Variants in LLGL2 observed in about 807,000 individuals in gnomAD.
LLGL2 encodes LLGL2, scribble cell polarity complex component.
LLGL2 carries 81 observed loss-of-function variants against 123.2 expected under a neutral mutation model. The observed-to-expected ratio is 0.66, with a 90% CI of 0.55 to 0.79. The LOEUF (loss-of-function observed/expected upper bound fraction) is 0.79, where lower values mean the gene tolerates loss of function less well. LLGL2 is among the 30% of genes least tolerant of loss of function. LLGL2 has a pLI of 0.00. For missense variants in LLGL2, 1,273 were observed against 1,414.6 expected, an observed-to-expected ratio of 0.90 and a Z score of 1.61; for synonymous variants, 577 against 594.1, an observed-to-expected ratio of 0.97 and a Z score of 0.42.
At chr17:75,557,202 A>C (rs1258113247) in intron 3 of LLGL2, among the ~76,000 whole-genome samples, 1 of 152,044 alleles carries the variant, frequency 6.6e-6, no homozygotes, top group Admixed American at 6.6e-5. Flanking sequence ...TTTTTAACCT[A>C]TCTCGATAAG....
In LLGL2 at chr17:75,566,344, G is replaced by A. The variant is rs113365742; in HGVS notation, c.1036+1837G>A. Reference sequence around the variant, plus strand: ...CTGGCTGCCATGTGGGGGACACGGAGTGGAGCAAAGACGGGAGCCCAGTGA... The same window carrying A: ...CTGGCTGCCATGTGGGGGACACGGAATGGAGCAAAGACGGGAGCCCAGTGA... On this transcript the variant is annotated intron_variant, in intron 10 of 25. Transcript: ENST00000392550. Among the ~76,000 whole-genome samples, 409 of 152,346 alleles carry A rather than the reference G, an allele frequency of 2.7e-3. 3 individuals are homozygous for A. The highest frequency in any genetic ancestry group is 0.014 in the Middle Eastern group (4 of 294).
intron 1 of LLGL2, among the ~76,000 whole-genome samples, chr17:75,542,105 C>CCACG (rs1339233574): frequency 6.6e-6 from 1 of 152,042 alleles, no homozygotes; most frequent in Admixed American, 6.6e-5. Flanking sequence ...CCCAACTCTG[C>CCACG]CACGCACGTT....
In LLGL2 at chr17:75,571,944, G is replaced by C. The variant is rs758407666; in HGVS notation, c.2340G>C (p.Leu780=). The C allele has an allele frequency of 1.9e-5, 31 of 1,612,558 alleles. No homozygotes were observed. In the African/African-American group the frequency reaches 4.0e-4, roughly 21 times the overall value. The stretch of plus-strand genomic sequence containing the variant: ...ACCGGGCGCCGGTGGTGGGCATCCT[G>C]GTGCTCGACGGACACAGCGTACCCC... ...LMHRAPVVGI[L]VLDGHSVPLP... is the part of the protein sequence containing the mutation. Residue 780 remains leucine (L), a synonymous_variant, in exon 19 of 26, where the codon CTG becomes CTC. Coordinates refer to ENST00000392550, the MANE Select transcript of LLGL2 (RefSeq NM_001031803.2).
chr17:75,569,709 A>T (rs1395001815), intron 14 of LLGL2, among the ~76,000 whole-genome samples: 1 of 152,080 alleles, frequency 6.6e-6, no homozygotes, highest in Non-Finnish European at 1.5e-5. Context: ...AGGCCGAGAC[A>T]AGAGAATCAC....
At chr17:75,567,960 A>G (rs1264355732) in intron 10 of LLGL2, 4 of 719,734 alleles carry the variant, frequency 5.6e-6, no homozygotes, top group African/African-American at 1.9e-5. Flanking sequence ...GAAAAAAAAA[A>G]AAAAAGACAA....
intron 6 of LLGL2, among the ~76,000 whole-genome samples, chr17:75,561,783 A>G (rs1342535551): frequency 2.0e-5 from 3 of 151,990 alleles, no homozygotes; most frequent in African/African-American, 4.8e-5. Context: ...TTAGCCTGGC[A>G]TGGTTGTGGG....
In LLGL2 at chr17:75,574,632, C is replaced by T. The variant is rs145089635; in HGVS notation, c.3019C>T (p.Arg1007Ter). The T allele has an allele frequency of 8.7e-5, 141 of 1,612,310 alleles. 1 individual carries two copies. Among genetic ancestry groups the T allele is most frequent in the African/African-American group, 4.5e-4 (34 of 75,022 alleles). ...CAGGAGCGGCAACTGGCGTTCACAT[C>T]GAGCCGCCGTGGGGTGCAGCCTCAG... ...DRGSGNWRSH[R>*]AAVGCSLSNG... is the part of the protein sequence containing the mutation. Residue 1007 changes from arginine (R) to a stop codon, truncating the protein, a stop_gained, in exon 25 of 26, where the codon CGA becomes TGA. Coordinates refer to ENST00000392550, the MANE Select transcript of LLGL2 (RefSeq NM_001031803.2). LOFTEE classifies it high-confidence loss of function.
intron 7 of LLGL2, 27 bp from the exon 8 acceptor site, chr17:75,563,304 C>A: frequency 6.2e-7 from 1 of 1,610,496 alleles, no homozygotes; most frequent in Non-Finnish European, 8.5e-7. Flanking sequence ...GCGTGCTGCC[C>A]TCTGTCCCTC....
chr17:75,549,900 T>C lies in LLGL2; in HGVS notation c.76-6146T>C, dbSNP rs1295586210. On this transcript the variant is annotated intron_variant, in intron 2 of 25. Transcript: ENST00000392550. This position sits in a 1 kb window ranked among gnomAD's most constrained non-coding sequence, Gnocchi z 4.0. Reference sequence around the variant, plus strand: ...CCCAGAGCCCAGGAGAGACGGGCCTTCTCCCCTACTCCAGGCTAACGTTGC... The same window carrying C: ...CCCAGAGCCCAGGAGAGACGGGCCTCCTCCCCTACTCCAGGCTAACGTTGC... 6.6e-6 allele frequency among the ~76,000 whole-genome samples: 1 copy of C among 152,218 alleles called. No individual in the cohort carries two copies. The highest frequency in any genetic ancestry group is 1.5e-5 in the Non-Finnish European group (1 of 68,034).
At chr17:75,567,547 G>C (rs2055495625) in intron 10 of LLGL2, among the ~76,000 whole-genome samples, 1 of 152,134 alleles carries the variant, frequency 6.6e-6, no homozygotes, top group African/African-American at 2.4e-5. Context: ...GCTGAGGCAG[G>C]AGAATCGCTT....
At chr17:75,556,235 G>T in intron 3 of LLGL2, 92 bp downstream of exon 3, 2 of 1,004,524 alleles carry the variant, frequency 2.0e-6, no homozygotes, top group Non-Finnish European at 3.0e-6. Flanking sequence ...CCCGTGGGCT[G>T]TTGGGATAAA....
At chr17:75,562,801 C>T (rs2055278331) in intron 6 of LLGL2, 2 of 592,750 alleles carry the variant, frequency 3.4e-6, no homozygotes, top group East Asian at 2.8e-5. Context: ...AACTCCTGAC[C>T]TCAAGTGGCC....
At chr17:75,567,180 C>T (rs1426917759) in intron 10 of LLGL2, among the ~76,000 whole-genome samples, 1 of 152,116 alleles carries the variant, frequency 6.6e-6, no homozygotes, top group Admixed American at 6.5e-5. Context: ...AAAGAGGCAG[C>T]GTCAGCCAGG....
chr17:75,558,658 C>T lies in LLGL2; in HGVS notation c.371+31C>T, dbSNP rs1241972912. On this transcript the variant is annotated intron_variant, in intron 5 of 25. Transcript: ENST00000392550. The surrounding 1 kb of genome is among the most constrained non-coding windows in gnomAD (Gnocchi z 4.0). ...GGCTCAATCCCCAGCCCCTTCCACT[C>T]CCAGCCCAGCCTGACCCTTGCCCTT... 6 of 1,509,528 alleles carry T rather than the reference C, an allele frequency of 4.0e-6. No individual in the cohort carries two copies. The highest frequency in any genetic ancestry group is 5.4e-6 in the Non-Finnish European group (6 of 1,106,592). The allele number at this position is 1,509,528 out of a possible 1,614,324, so 93.5% of individuals were successfully genotyped here.
intron 22 of LLGL2, 70 bp from the exon 23 acceptor site, chr17:75,574,143 A>C (rs1182643270): frequency 1.3e-6 from 2 of 1,525,914 alleles, no homozygotes; most frequent in Admixed American, 4.2e-5. Context: ...TCCTGACCTC[A>C]GTAAGGAGAG....
chr17:75,530,910 A>G (rs1421487080), intron 1 of LLGL2, among the ~76,000 whole-genome samples: 15 of 152,102 alleles, frequency 9.9e-5, no homozygotes, highest in Admixed American at 9.8e-4. Context: ...TCCTAAATGG[A>G]CCTTGCATTC....
intron 2 of LLGL2, among the ~76,000 whole-genome samples, chr17:75,550,166 T>TTGGA (rs1450857262): frequency 6.6e-6 from 1 of 152,204 alleles, no homozygotes; most frequent in Non-Finnish European, 1.5e-5. Flanking sequence ...AGGGCTGGTC[T>TTGGA]TGGAATTCCT....
chr17:75,543,546 A>G (rs2054297390), intron 2 of LLGL2, 45 bp downstream of exon 2: 2 of 1,558,292 alleles, frequency 1.3e-6, no homozygotes, highest in South Asian at 2.3e-5. Context: ...GTTTTCGGCC[A>G]AGCAGCTCAG....
Position 75,571,991 on chromosome 17 carries a change from C to G in LLGL2, c.2387C>G (p.Ala796Gly). ...CCCCTTCCCGAGCCCCTCGAAGTGGCCCATGATCTGTCGAAGAGCCCTGAC... is the reference window on the plus strand; with the variant it reads ...CCCCTTCCCGAGCCCCTCGAAGTGGGCCATGATCTGTCGAAGAGCCCTGAC... ...SVPLPEPLEVAHDLSKSPDMQ... is the reference protein window; with the variant it reads ...SVPLPEPLEVGHDLSKSPDMQ... The change falls in exon 19 of 26, where the codon GCC becomes GGC. Residue 796 changes from alanine (A) to glycine (G), a missense_variant. Ala to Gly is a moderately conservative substitution (Grantham distance 60). Transcript: ENST00000392550. 1 of 1,612,876 alleles carries G rather than the reference C, an allele frequency of 6.2e-7. No individual in the cohort carries two copies. Among genetic ancestry groups the G allele is most frequent in the Non-Finnish European group, 8.5e-7 (1 of 1,180,002 alleles).
Sources: gnomAD v4.1 joint callset for allele counts (sites outside exome capture counted in the v4.1 genomes callset) on GRCh38, gnomAD v4.1.1 for gene constraint, Gnocchi (gnomAD v3.1) non-coding constraint, MANE v1.5 for transcripts, NCBI Gene and HGNC (gene_info 2026-07-23, HGNC 2026-07-21) for gene names.